The following SGCZ variants were observed in gnomAD, a reference collection of about 807,000 sequenced individuals.
SGCZ encodes zeta-sarcoglycan.
SGCZ carries 40 observed loss-of-function variants against 41.3 expected under a neutral mutation model. The observed-to-expected ratio is 0.97, with a 90% CI of 0.75 to 1.26. The LOEUF (loss-of-function observed/expected upper bound fraction) is 1.26, where lower values mean the gene tolerates loss of function less well. SGCZ is among the 50% of genes most tolerant of loss of function. SGCZ has a pLI of 0.00. For missense variants in SGCZ, 552 were observed against 369.8 expected, an observed-to-expected ratio of 1.49 and a Z score of -4.04; for synonymous variants, 206 against 137.5, an observed-to-expected ratio of 1.50 and a Z score of -3.49.
At chr8:14,841,016 T>G (rs570926722) in intron 1 of SGCZ, among the ~76,000 whole-genome samples, 1 of 152,176 alleles carries the variant, frequency 6.6e-6, no homozygotes, top group Non-Finnish European at 1.5e-5. Context: ...AATAAAGAAA[T>G]TTTATCAATG....
At chr8:14,242,276 C>T (rs543631248) in intron 3 of SGCZ, among the ~76,000 whole-genome samples, 12 of 152,338 alleles carry the variant, frequency 7.9e-5, no homozygotes, top group African/African-American at 2.9e-4. Context: ...GTGGTACAAA[C>T]AGCAACCAAC....
At chr8:15,051,171 A>T (rs79133295) in intron 1 of SGCZ, among the ~76,000 whole-genome samples, 27 of 152,236 alleles carry the variant, frequency 1.8e-4, no homozygotes, top group African/African-American at 5.8e-4. Context: ...GATGCATCCA[A>T]ATGAAAAGGG....
chr8:14,559,919 G>A (rs17119785), intron 1 of SGCZ, among the ~76,000 whole-genome samples: 19,913 of 151,930 alleles, frequency 0.13, 1,508 homozygotes, highest in East Asian at 0.33. Context: ...CTGATTTGGC[G>A]TAGATGTGAA....
intron 1 of SGCZ, among the ~76,000 whole-genome samples, chr8:14,782,859 G>A (rs1032818262): frequency 8.5e-5 from 13 of 152,174 alleles, no homozygotes; most frequent in African/African-American, 3.1e-4. Context: ...ATCAAATCAT[G>A]CATATGCTTC....
intron 2 of SGCZ, among the ~76,000 whole-genome samples, chr8:14,362,453 T>G (rs1803558678): frequency 6.6e-6 from 1 of 152,202 alleles, no homozygotes. Flanking sequence ...GATCTCAGAC[T>G]GCTGCACTAG....
chr8:15,177,859 T>C (rs1321356555), intron 1 of SGCZ, among the ~76,000 whole-genome samples: 2 of 152,160 alleles, frequency 1.3e-5, no homozygotes, highest in African/African-American at 4.8e-5. Context: ...GTCTAGACAC[T>C]TGGGGAAGCT....
At chr8:14,769,500 C>T (rs1651220399) in intron 1 of SGCZ, among the ~76,000 whole-genome samples, 1 of 152,108 alleles carries the variant, frequency 6.6e-6, no homozygotes, top group Non-Finnish European at 1.5e-5. Flanking sequence ...TTTTAAAACA[C>T]TTCAATGGCA....
intron 1 of SGCZ, among the ~76,000 whole-genome samples, chr8:15,222,041 T>G (rs1801622232): frequency 6.6e-6 from 1 of 152,210 alleles, no homozygotes; most frequent in Non-Finnish European, 1.5e-5. Context: ...TCACTTTTAC[T>G]TCTCCTTCGT....
chr8:14,551,042 A>T (rs1803791722), intron 2 of SGCZ, among the ~76,000 whole-genome samples: 1 of 151,334 alleles, frequency 6.6e-6, no homozygotes, highest in African/African-American at 2.4e-5. Flanking sequence ...GGTATTCTTG[A>T]CTTCTCTTTA....
chr8:14,238,919 T>C (rs1286214759), intron 3 of SGCZ, among the ~76,000 whole-genome samples: 1 of 151,990 alleles, frequency 6.6e-6, no homozygotes, highest in Non-Finnish European at 1.5e-5. Flanking sequence ...GTAAGCTATA[T>C]TAAAACTCTC....
chr8:14,820,435 T>C (rs570903009), intron 1 of SGCZ, among the ~76,000 whole-genome samples: 9 of 152,088 alleles, frequency 5.9e-5, no homozygotes, highest in Admixed American at 3.3e-4. Context: ...CCCACTTTCA[T>C]CTAGGAAAAA....
At chr8:14,861,134 C>T (rs905164397) in intron 1 of SGCZ, among the ~76,000 whole-genome samples, 2 of 152,294 alleles carry the variant, frequency 1.3e-5, no homozygotes, top group Admixed American at 6.5e-5. Flanking sequence ...TAAGACACTA[C>T]ACTTTGTGTT....
chr8:14,772,579 TC>T (rs1171936012), intron 1 of SGCZ, among the ~76,000 whole-genome samples: 3 of 71,642 alleles, frequency 4.2e-5, no homozygotes, highest in African/African-American at 5.8e-5. Flanking sequence ...CCCTCCCCCC[TC>T]CCCCCACCCC....
At chr8:14,174,644 T>A (rs1282388515) in intron 4 of SGCZ, among the ~76,000 whole-genome samples, 1 of 151,984 alleles carries the variant, frequency 6.6e-6, no homozygotes, top group Non-Finnish European at 1.5e-5. Flanking sequence ...TAAAGATAAA[T>A]TACCTTCAAA....
intron 1 of SGCZ, among the ~76,000 whole-genome samples, chr8:15,115,849 G>C: frequency 6.6e-6 from 1 of 152,136 alleles, no homozygotes; most frequent in Admixed American, 6.5e-5. Flanking sequence ...ATTCCCAAAG[G>C]GGAAAAATAT....
intron 1 of SGCZ, among the ~76,000 whole-genome samples, chr8:14,608,809 G>C (rs188573206): frequency 6.6e-6 from 1 of 151,828 alleles, no homozygotes; most frequent in African/African-American, 2.4e-5. Flanking sequence ...ACAAATATTC[G>C]AACCATATCG....
chr8:14,942,598 C>T lies in SGCZ; in HGVS notation c.39+294987G>A, dbSNP rs545376493. Among the ~76,000 whole-genome samples, 223 of 152,162 alleles carry T rather than the reference C, an allele frequency of 1.5e-3. 1 individual carries two copies. Among genetic ancestry groups the T allele is most frequent in the African/African-American group, 5.0e-3 (207 of 41,546 alleles). ...AGGAAGACTGTTCATTGGAAAAAAACGACTTCTGTTTGGCAGCATTTGAAT... is the reference window on the plus strand; with the variant it reads ...AGGAAGACTGTTCATTGGAAAAAAATGACTTCTGTTTGGCAGCATTTGAAT... On this transcript the variant is annotated intron_variant, in intron 1 of 7. Transcript: ENST00000382080.
At chr8:14,928,781 G>C (rs1320465791) in intron 1 of SGCZ, among the ~76,000 whole-genome samples, 1 of 152,100 alleles carries the variant, frequency 6.6e-6, no homozygotes, top group Non-Finnish European at 1.5e-5. Flanking sequence ...TAGGAATTGT[G>C]ACAGCTTTGC....
At chr8:14,455,557 AGATC>A (rs1364715359) in intron 2 of SGCZ, among the ~76,000 whole-genome samples, 1 of 152,162 alleles carries the variant, frequency 6.6e-6, no homozygotes, top group African/African-American at 2.4e-5. Context: ...GTAGATAGAT[AGATC>A]GATCTCCATT....
Sources: allele counts gnomAD v4.1 joint callset (sites outside exome capture counted in the v4.1 genomes callset), GRCh38; gene constraint gnomAD v4.1.1; transcripts MANE v1.5; gene names NCBI Gene and HGNC (gene_info 2026-07-23, HGNC 2026-07-21).